CDH6: variants seen among roughly 807,000 people sequenced by gnomAD.
CDH6 encodes the protein cadherin-6.
Under a neutral mutation model 78.0 loss-of-function variants are expected in CDH6, and 31 were observed. The observed-to-expected ratio is 0.40, with a 90% confidence interval of 0.30 to 0.54. The LOEUF is 0.54. Among genes scored for constraint, CDH6 ranks in the 20% least tolerant of loss-of-function variants. The pLI, the probability that CDH6 is intolerant of heterozygous loss-of-function variation, is 0.56. For synonymous variants in CDH6, 376 were observed against 368.8 expected, an observed-to-expected ratio of 1.02 and a Z score of -0.23; for missense variants, 724 against 975.9, an observed-to-expected ratio of 0.74 and a Z score of 3.44.
At chr5:31,267,753 T>C (rs1333447516) in intron 2 of CDH6, 52 bp downstream of exon 2, 7 of 1,314,254 alleles carry the variant, frequency 5.3e-6, no homozygotes, top group Non-Finnish European at 7.7e-6. Flanking sequence ...CTGAAGAAGT[T>C]ACTTCTAATA....
chr5:31,238,257 T>C (rs1312866822), intron 1 of CDH6, among the ~76,000 whole-genome samples: 1 of 152,198 alleles, frequency 6.6e-6, no homozygotes, highest in Non-Finnish European at 1.5e-5. Flanking sequence ...ATTGTGCATT[T>C]TAAGTGTTCT....
chr5:31,199,427 C>CAT (rs1443506270), intron 1 of CDH6, among the ~76,000 whole-genome samples: 1 of 50,936 alleles, frequency 2.0e-5, no homozygotes, highest in Admixed American at 2.1e-4. Context: ...TATATGTACA[C>CAT]ACATATGTGT....
chr5:31,222,369 T>A (rs1741025871), intron 1 of CDH6, among the ~76,000 whole-genome samples: 6 of 152,180 alleles, frequency 3.9e-5, no homozygotes, highest in Admixed American at 3.9e-4. Context: ...AGAAAGTGAA[T>A]TAGATATAAG....
At chr5:31,224,374 GGT>G (rs1389398408) in intron 1 of CDH6, among the ~76,000 whole-genome samples, 1 of 152,098 alleles carries the variant, frequency 6.6e-6, no homozygotes, top group Non-Finnish European at 1.5e-5. Flanking sequence ...ATGAGATCTG[GGT>G]GGGGACACAG....
Position 31,325,362 on chromosome 5 carries a change from AAACAAAAGGC to A in CDH6, c.*2055_*2064del, listed in dbSNP as rs1738603095. The A allele has an allele frequency of 8.6e-6, 2 of 232,342 alleles. No homozygotes were observed. Among genetic ancestry groups the A allele is most frequent in the Admixed American group, 5.6e-5 (1 of 17,746 alleles). The allele number at this position is 232,342 out of a possible 1,614,324, so 14.4% of individuals were successfully genotyped here. Reference sequence around the variant, plus strand: ...CACACACACACACACACACGAATGCAAACAAAAGGCTATATGAGGTCTTCACTCTAATGAA... The same window carrying A: ...CACACACACACACACACACGAATGCATATATGAGGTCTTCACTCTAATGAA... On this transcript the variant is annotated 3_prime_UTR_variant, in exon 12 of 12. Coordinates refer to ENST00000265071, the MANE Select transcript of CDH6 (RefSeq NM_004932.4).
chr5:31,315,653 A>G (rs1738299221), intron 8 of CDH6, among the ~76,000 whole-genome samples: 1 of 152,234 alleles, frequency 6.6e-6, no homozygotes, highest in African/African-American at 2.4e-5. Context: ...CTCTGTAAAC[A>G]CAGATAAATT....
At chr5:31,292,822 C>CATATATATATATATATATATGTGTGCAT (rs1737425064) in intron 2 of CDH6, among the ~76,000 whole-genome samples, 1 of 49,952 alleles carries the variant, frequency 2.0e-5, no homozygotes, top group African/African-American at 1.0e-4. Flanking sequence ...TATATGTGTG[C>CATATATATATATATATATATGTGTGCAT]ATATATATAT....
chr5:31,261,209 C>T (rs1349788058), intron 1 of CDH6, among the ~76,000 whole-genome samples: 1 of 151,856 alleles, frequency 6.6e-6, no homozygotes, highest in Non-Finnish European at 1.5e-5. Context: ...GATTAAGTAC[C>T]ATCTTCATCC....
intron 1 of CDH6, among the ~76,000 whole-genome samples, chr5:31,220,262 C>A (rs1008922002): frequency 6.6e-6 from 1 of 152,146 alleles, no homozygotes; most frequent in African/African-American, 2.4e-5. Context: ...TTGCCAAAAT[C>A]AAAGCAAAAT....
chr5:31,278,975 TA>T (rs1214609869), intron 2 of CDH6, among the ~76,000 whole-genome samples: 3 of 152,198 alleles, frequency 2.0e-5, no homozygotes, highest in Non-Finnish European at 4.4e-5. Flanking sequence ...ATTTCCTTAT[TA>T]TTCTAGAGCA....
At chr5:31,228,015 T>C (rs1741210661) in intron 1 of CDH6, among the ~76,000 whole-genome samples, 1 of 152,202 alleles carries the variant, frequency 6.6e-6, no homozygotes, top group African/African-American at 2.4e-5. Context: ...GCTTGTGTTC[T>C]TTCTACAGGC....
chr5:31,287,063 G>T (rs1743030986), intron 2 of CDH6, among the ~76,000 whole-genome samples: 1 of 152,088 alleles, frequency 6.6e-6, no homozygotes, highest in Admixed American at 6.6e-5. Flanking sequence ...AGAGAAAGAG[G>T]TGACTATATT....
intron 7 of CDH6, among the ~76,000 whole-genome samples, chr5:31,311,707 T>G (rs891382000): frequency 6.6e-6 from 1 of 152,056 alleles, no homozygotes; most frequent in Non-Finnish European, 1.5e-5. Flanking sequence ...CATGGCGAAA[T>G]GTAAAGGGGA....
At position 31,323,709 on chromosome 5, in the gene CDH6, A is replaced by T. The variant is rs1023336416; in HGVS notation, c.*401A>T. On this transcript the variant is annotated 3_prime_UTR_variant, in exon 12 of 12. Coordinates refer to ENST00000265071, the MANE Select transcript of CDH6 (RefSeq NM_004932.4). Reference sequence around the variant, plus strand: ...AAAGGACTGTGCTTTAAAGATAAAAATATCATCATAGTAAAAGAAATGAGG... The same window carrying T: ...AAAGGACTGTGCTTTAAAGATAAAATTATCATCATAGTAAAAGAAATGAGG... 15 of 246,120 alleles carry T rather than the reference A, an allele frequency of 6.1e-5. No individual in the cohort carries two copies. The highest frequency in any genetic ancestry group is 3.1e-4 in the African/African-American group (14 of 45,688). The allele number at this position is 246,120 out of a possible 1,614,324, so 15.2% of individuals were successfully genotyped here. A position where few individuals can be genotyped will look rare whatever the true frequency, so the allele number is the denominator to read the frequency against.
intron 2 of CDH6, among the ~76,000 whole-genome samples, chr5:31,273,881 C>T (rs549094780): frequency 2.0e-5 from 3 of 152,222 alleles, no homozygotes; most frequent in African/African-American, 7.2e-5. Flanking sequence ...AGTAGATATG[C>T]AATTAGTGAT....
At chr5:31,276,916 C>G (rs1742715244) in intron 2 of CDH6, among the ~76,000 whole-genome samples, 1 of 152,168 alleles carries the variant, frequency 6.6e-6, no homozygotes, top group Non-Finnish European at 1.5e-5. Context: ...GGAACTAAAG[C>G]AAGATCCACG....
chr5:31,225,263 G>C (rs982396057), intron 1 of CDH6, among the ~76,000 whole-genome samples: 1 of 152,122 alleles, frequency 6.6e-6, no homozygotes, highest in African/African-American at 2.4e-5. Context: ...TGTGTTTATA[G>C]AAGACACTGC....
chr5:31,213,575 C>T (rs1344109471), intron 1 of CDH6, among the ~76,000 whole-genome samples: 1 of 152,182 alleles, frequency 6.6e-6, no homozygotes, highest in African/African-American at 2.4e-5. Flanking sequence ...CAGAATGTGA[C>T]TGTATGTCTT....
intron 1 of CDH6, among the ~76,000 whole-genome samples, chr5:31,230,429 T>G (rs1741283237): frequency 6.6e-6 from 1 of 152,150 alleles, no homozygotes; most frequent in Non-Finnish European, 1.5e-5. Context: ...GAGTATGTAT[T>G]AAAGTATTTA....
Sources: gnomAD v4.1 joint callset for allele counts (sites outside exome capture counted in the v4.1 genomes callset) on GRCh38, gnomAD v4.1.1 for gene constraint, MANE v1.5 for transcripts, NCBI Gene and HGNC (gene_info 2026-07-23, HGNC 2026-07-21) for gene names.